KICS2: variants seen among roughly 807,000 people sequenced by gnomAD.
KICS2 encodes KICSTOR complex protein C12orf66.
In KICS2, 13 loss-of-function variants were observed where a neutral mutation model predicts 31.4. The ratio of observed to expected loss-of-function variants is 0.41; its 90% CI spans 0.27 to 0.66. The LOEUF (loss-of-function observed/expected upper bound fraction) is 0.66. Among genes scored for constraint, KICS2 ranks in the 30% least tolerant of loss-of-function variants. KICS2 has a pLI of 0.28. For synonymous variants in KICS2, 209 were observed against 214.8 expected (o/e 0.97, Z 0.24); for missense variants, 455 against 545.4 (o/e 0.83, Z 1.65).
intron 2 of KICS2, among the ~76,000 whole-genome samples, chr12:64,204,591 G>A (rs551568183): frequency 8.5e-5 from 13 of 152,096 alleles, no homozygotes; most frequent in Admixed American, 2.0e-4. Context: ...GTTCGAAACC[G>A]GCCTGGGCAA....
chr12:64,220,109 C>A (rs2037666367), intron 1 of KICS2, among the ~76,000 whole-genome samples: 1 of 152,122 alleles, frequency 6.6e-6, no homozygotes, highest in Non-Finnish European at 1.5e-5. Context: ...ATTAAATATA[C>A]CATTTTCAGA....
At chr12:64,195,253 T>C (rs1158362586) in intron 2 of KICS2, among the ~76,000 whole-genome samples, 2 of 152,232 alleles carry the variant, frequency 1.3e-5, no homozygotes, top group African/African-American at 2.4e-5. Context: ...ATTTTATTTA[T>C]TCTGGCAATT....
chr12:64,187,373 C>A, downstream of KICS2: 1 of 499,188 alleles, frequency 2.0e-6, no homozygotes, highest in Non-Finnish European at 3.5e-6. Context: ...GAAGGGGGAA[C>A]CCATTTGCAT....
At chr12:64,187,275 C>T, downstream of KICS2, 1 of 257,622 alleles carries the variant, frequency 3.9e-6, no homozygotes. Context: ...AGGATGCAGT[C>T]CCATGTCATT....
chr12:64,211,643 T>A (rs992750299), intron 2 of KICS2, among the ~76,000 whole-genome samples: 3 of 152,128 alleles, frequency 2.0e-5, no homozygotes, highest in Middle Eastern at 3.2e-3. Flanking sequence ...CCTGCTAACT[T>A]TAGTTGCCTC....
intron 1 of KICS2, among the ~76,000 whole-genome samples, chr12:64,221,015 G>A (rs2037676624): frequency 6.6e-6 from 1 of 150,616 alleles, no homozygotes; most frequent in African/African-American, 2.4e-5. Flanking sequence ...ACGAACTCAG[G>A]AAGCCCTGTC....
rs115077329 is a variant in KICS2 at position 64,209,158 on chromosome 12, C to T, written c.521+6520G>A. Among the ~76,000 whole-genome samples, 1,243 of 151,918 alleles carry T rather than the reference C, an allele frequency of 8.2e-3. 20 individuals carry two copies. Among genetic ancestry groups the T allele is most frequent in the African/African-American group, 0.028 (1,170 of 41,430 alleles). Reference sequence around the variant, plus strand: ...ATACAAGCTAAGTTCATGTTTCTTCCGCTAAATGGCACACAATTAAACTTA... The same window carrying T: ...ATACAAGCTAAGTTCATGTTTCTTCTGCTAAATGGCACACAATTAAACTTA... On this transcript the variant is annotated intron_variant, in intron 2 of 2. Transcript: ENST00000398055.
intron 2 of KICS2, among the ~76,000 whole-genome samples, chr12:64,201,101 C>T (rs1015586561): frequency 5.7e-5 from 8 of 140,966 alleles, no homozygotes; most frequent in Admixed American, 2.2e-4. Context: ...CATCCCATTA[C>T]TGGGTATATA....
rs2037686955 is a variant in KICS2, at chr12:64,221,884, G to C, written c.235+119C>G. ...GAACGGTGGGAGGAGATCTGGGAATGCCGAGTCGAGCCTGCGACTAGAAGT... is the reference window on the plus strand; with the variant it reads ...GAACGGTGGGAGGAGATCTGGGAATCCCGAGTCGAGCCTGCGACTAGAAGT... On this transcript the variant is annotated intron_variant, in intron 1 of 2. Transcript: ENST00000398055. 5.4e-6 allele frequency: 6 copies of C among 1,113,826 alleles called. No homozygotes were observed. In the South Asian group the frequency reaches 9.6e-5, roughly 18 times the overall value. 69.0% of individuals were successfully genotyped at this position (1,113,826 alleles called of 1,614,324 possible). A position where few individuals can be genotyped will look rare whatever the true frequency, so the allele number is the denominator to read the frequency against.
intron 2 of KICS2, among the ~76,000 whole-genome samples, chr12:64,207,509 G>A (rs1033450728): frequency 6.6e-6 from 1 of 151,968 alleles, no homozygotes; most frequent in Non-Finnish European, 1.5e-5. Flanking sequence ...ATGGAATATG[G>A]ACTGGGCCAA....
chr12:64,215,648 G>A lies in KICS2; in HGVS notation c.521+30C>T, dbSNP rs183390807. 3.6e-4 allele frequency: 569 copies of A among 1,582,916 alleles called. No individual in the cohort carries two copies. In the African/African-American group the frequency reaches 6.7e-3, roughly 19 times the overall value. On this transcript the variant is annotated intron_variant, in intron 2 of 2. Coordinates refer to ENST00000398055, the MANE Select transcript of KICS2 (RefSeq NM_152440.5). ...TGTGTGGGATTGATAGGACAGCCAC[G>A]CTTTCTCCCTCCCTCCTCCCCACAC...
In KICS2 at chr12:64,192,013, T is replaced by A. The variant is rs1412696333; in HGVS notation, c.*1829A>T. 1.7e-5 allele frequency: 2 copies of A among 117,456 alleles called. No homozygotes were observed. The highest frequency in any genetic ancestry group is 3.2e-5 in the Non-Finnish European group (2 of 62,050). 7.3% of individuals were successfully genotyped at this position (117,456 alleles called of 1,614,324 possible). On this transcript the variant is annotated 3_prime_UTR_variant, in exon 3 of 3. Transcript: ENST00000398055. ...GTGAGTTGTGATTGTGCCACTGTAC[T>A]CCAGCCTGGAAAACAGACAAGACCC...
intron 1 of KICS2, among the ~76,000 whole-genome samples, chr12:64,219,247 AT>A (rs2037656692): frequency 6.6e-6 from 1 of 152,150 alleles, no homozygotes; most frequent in Non-Finnish European, 1.5e-5. Context: ...ACTATGCTAA[AT>A]TTCAGCAACC....
chr12:64,202,297 T>G (rs561473810), intron 2 of KICS2, among the ~76,000 whole-genome samples: 1 of 152,126 alleles, frequency 6.6e-6, no homozygotes, highest in East Asian at 1.9e-4. Context: ...CCCCAGCTAC[T>G]CAAATTAGAA....
Position 64,192,756 on chromosome 12 carries a change from A to G in KICS2, c.*1086T>C, listed in dbSNP as rs1358033464. The stretch of plus-strand genomic sequence containing the variant: ...CATGAACACCTGCCGAAGGAAAGAA[A>G]TAAGGCAGCATGTGCTAAGATGCAG... On this transcript the variant is annotated 3_prime_UTR_variant, in exon 3 of 3. Transcript: ENST00000398055. The G allele has an allele frequency of 3.0e-6, 3 of 985,370 alleles. No homozygotes were observed. In the African/African-American group the frequency reaches 5.2e-5, roughly 17 times the overall value. 61.0% of individuals were successfully genotyped at this position (985,370 alleles called of 1,614,324 possible).
At chr12:64,221,934 C>G in intron 1 of KICS2, 69 bp downstream of exon 1, 1 of 1,486,946 alleles carries the variant, frequency 6.7e-7, no homozygotes, top group East Asian at 2.5e-5. Flanking sequence ...AAACCCAAGC[C>G]ACTGCCGACT....
rs146776139 is a variant in KICS2 at position 64,194,073 on chromosome 12, C to T, written c.1107G>A (p.Thr369=). 1.7e-4 allele frequency: 278 copies of T among 1,614,094 alleles called. 2 individuals carry two copies. The African/African-American group carries it at 2.2e-3, about 13-fold the overall frequency. ...MHWPNVIMIM[T]DRTSDLNSLE... is the part of the protein sequence containing the mutation. ...AGCTGTTCAGATCAGATGTGCGGTC[C>T]GTCATGATCATGATGACATTGGGCC... The change falls in exon 3 of 3, where the codon ACG becomes ACA. Residue 369 remains threonine, a synonymous_variant. Transcript: ENST00000398055.
intron 2 of KICS2, among the ~76,000 whole-genome samples, chr12:64,213,102 A>G (rs1323368780): frequency 7.3e-6 from 1 of 136,976 alleles, no homozygotes; most frequent in Non-Finnish European, 1.6e-5. Context: ...AAAAAAAAAA[A>G]AAAGAAAAGA....
chr12:64,193,169 G>A lies in KICS2; in HGVS notation c.*673C>T, dbSNP rs185135732. The A allele has an allele frequency of 1.8e-5, 18 of 985,392 alleles. No homozygotes were observed. The East Asian group carries it at 1.6e-3, about 87-fold the overall frequency. 61.0% of individuals were successfully genotyped at this position (985,392 alleles called of 1,614,324 possible). A position where few individuals can be genotyped will look rare whatever the true frequency, so the allele number is the denominator to read the frequency against. On this transcript the variant is annotated 3_prime_UTR_variant, in exon 3 of 3. Coordinates refer to ENST00000398055, the MANE Select transcript of KICS2 (RefSeq NM_152440.5). ...AAACATTAAAGAAGTCAAAACAAAT[G>A]CAGTTAGGTGTGTACATTACCCCAA...
Sources: allele counts gnomAD v4.1 joint callset (sites outside exome capture counted in the v4.1 genomes callset), GRCh38; gene constraint gnomAD v4.1.1; transcripts MANE v1.5; gene names NCBI Gene and HGNC (gene_info 2026-07-23, HGNC 2026-07-21).